Variants in DENND2B observed in about 807,000 individuals in gnomAD.
The protein encoded by DENND2B is DENN domain containing 2B.
In DENND2B, 32 loss-of-function variants were observed where a neutral mutation model predicts 116.0. That is an observed-to-expected ratio of 0.28 (90% CI 0.21 to 0.37). The LOEUF is 0.37. Ranked by LOEUF, DENND2B falls within the 10% of genes least tolerant of loss-of-function variation. The probability of loss-of-function intolerance (pLI) is 1.00; values close to 1 mark genes in which losing one functional copy is unlikely to be tolerated. For missense variants in DENND2B, 1,276 were observed against 1,477.7 expected, an observed-to-expected ratio of 0.86 and a Z score of 2.24; for synonymous variants, 588 against 583.9, an observed-to-expected ratio of 1.01 and a Z score of -0.10.
intron 3 of DENND2B, among the ~76,000 whole-genome samples, chr11:8,727,677 T>C (rs756602153): frequency 6.6e-6 from 1 of 152,228 alleles, no homozygotes; most frequent in African/African-American, 2.4e-5. Context: ...ATCCAATGGC[T>C]GAGCACAGTG....
Position 8,766,761 on chromosome 11 carries a change from G to T in DENND2B, c.-25-16036C>A, listed in dbSNP as rs189676378. Reference sequence around the variant, plus strand: ...AATAGTCAACTGTTGTGATGTCACAGGACTCAACTTTTGTCATTTTAGGTG... The same window carrying T: ...AATAGTCAACTGTTGTGATGTCACATGACTCAACTTTTGTCATTTTAGGTG... On this transcript the variant is annotated intron_variant, in intron 1 of 19. Transcript: ENST00000313726. 4,663 of 1,130,200 alleles carry T rather than the reference G, an allele frequency of 4.1e-3. 16 individuals are homozygous for T. The highest frequency in any genetic ancestry group is 5.3e-3 in the Non-Finnish European group (4,470 of 847,010). The allele number at this position is 1,130,200 out of a possible 1,614,324, so 70.0% of individuals were successfully genotyped here.
At chr11:8,809,309 C>T (rs2061172833) in intron 1 of DENND2B, 1 of 152,196 alleles carries the variant, frequency 6.6e-6, no homozygotes, top group Non-Finnish European at 1.5e-5. Flanking sequence ...AGAATGCCCC[C>T]TCATTGTTTG....
chr11:8,892,792 A>G (rs1209358987), intron 1 of DENND2B, among the ~76,000 whole-genome samples: 1 of 152,208 alleles, frequency 6.6e-6, no homozygotes, highest in African/African-American at 2.4e-5. Flanking sequence ...GACCAAATGG[A>G]TTCACAGTCG....
chr11:8,908,069 C>T (rs2064261877), intron 1 of DENND2B, among the ~76,000 whole-genome samples: 1 of 152,168 alleles, frequency 6.6e-6, no homozygotes, highest in Admixed American at 6.5e-5. Flanking sequence ...CAACAAATGG[C>T]TACTGAACAC....
intron 9 of DENND2B, 46 bp from the exon 10 acceptor site, chr11:8,711,277 G>T (rs772565071): frequency 1.3e-6 from 2 of 1,580,676 alleles, no homozygotes; most frequent in South Asian, 1.1e-5. Context: ...CCTGAGGGCG[G>T]GTGGTGGTGG....
At chr11:8,777,905 G>A (rs2057918404) in intron 1 of DENND2B, among the ~76,000 whole-genome samples, 1 of 152,196 alleles carries the variant, frequency 6.6e-6, no homozygotes, top group Non-Finnish European at 1.5e-5. Flanking sequence ...TGACTTAGCT[G>A]TTGCTTTTTA....
chr11:8,744,071 T>G lies in DENND2B; in HGVS notation c.80+6550A>C, dbSNP rs114958097. Among the ~76,000 whole-genome samples the G allele has an allele frequency of 9.7e-3, 1,476 of 152,036 alleles. 27 individuals are homozygous for G. The highest frequency in any genetic ancestry group is 0.034 in the African/African-American group (1,416 of 41,470). On this transcript the variant is annotated intron_variant, in intron 2 of 19. Transcript: ENST00000313726. ...GCCAAGGGGCTTATCTTGAAGTGAT[T>G]TGTATGTGTGCCTTTTGCTATTATA...
chr11:8,843,103 G>A (rs565433672), intron 3 of DENND2B, among the ~76,000 whole-genome samples: 1 of 151,882 alleles, frequency 6.6e-6, no homozygotes, highest in African/African-American at 2.4e-5. Context: ...TGCAACATCC[G>A]CCTCCCGGGT....
intron 11 of DENND2B, 52 bp downstream of exon 11, chr11:8,710,793 A>ACACC (rs1242806095): frequency 3.8e-6 from 5 of 1,322,994 alleles, no homozygotes; most frequent in African/African-American, 2.9e-5. Context: ...ACACACACAC[A>ACACC]CCCTGGCCTA....
intron 1 of DENND2B, among the ~76,000 whole-genome samples, chr11:8,772,111 A>C (rs2056997323): frequency 6.9e-6 from 1 of 144,302 alleles, no homozygotes; most frequent in Non-Finnish European, 1.5e-5. Flanking sequence ...GTGCACCCTG[A>C]GAGGGAATGG....
At chr11:8,888,823 A>C (rs1419299340) in intron 1 of DENND2B, among the ~76,000 whole-genome samples, 18 of 152,242 alleles carry the variant, frequency 1.2e-4, no homozygotes, top group Admixed American at 1.2e-3. Flanking sequence ...AAGATGCTCA[A>C]CATCACTAAT....
At chr11:8,722,988 C>G (rs983381872) in intron 4 of DENND2B, among the ~76,000 whole-genome samples, 7 of 152,186 alleles carry the variant, frequency 4.6e-5, no homozygotes, top group Non-Finnish European at 1.0e-4. Flanking sequence ...AAGAGGCAGC[C>G]AAGGTGCTCC....
intron 1 of DENND2B, chr11:8,910,052 C>A (rs2064296221): frequency 2.0e-5 from 3 of 151,940 alleles, no homozygotes; most frequent in Admixed American, 1.3e-4. Flanking sequence ...TTCACAGTTC[C>A]TTACTTAAAC....
intron 5 of DENND2B, 120 bp downstream of exon 5, chr11:8,717,621 C>G: frequency 7.8e-7 from 1 of 1,278,746 alleles, no homozygotes; most frequent in Non-Finnish European, 1.1e-6. Context: ...GCCGTAGACC[C>G]TTTATCAAGT....
intron 2 of DENND2B, among the ~76,000 whole-genome samples, chr11:8,862,421 G>A (rs2653614): frequency 0.94 from 140,590 of 149,718 alleles, 66,624 homozygotes; most frequent in East Asian, 1. Context: ...TCTCAACCTC[G>A]GGTGATCACC....
Position 8,714,670 on chromosome 11 carries a change from T to C in DENND2B, c.1882A>G (p.Arg628Gly). 1.2e-6 allele frequency: 2 copies of C among 1,614,222 alleles called. No homozygotes were observed. The highest frequency in any genetic ancestry group is 1.7e-6 in the Non-Finnish European group (2 of 1,180,034). Residue 628 changes from arginine (R) to glycine (G), a missense_variant, in exon 7 of 20, where the codon AGA (arginine) becomes GGA (glycine). By Grantham distance (125) the Arg-to-Gly change is moderately radical. This residue lies in a region of DENND2B where 856 missense variants were observed against 846.6 expected (regional missense o/e 1.01). Transcript: ENST00000313726. ...QRINSIYNAK[R>G]GKKRLKKLSM... The stretch of plus-strand genomic sequence containing the variant: ...AACTTTTTTAATCTCTTCTTTCCTC[T>C]CTTGGCATTGTAGATGGAGTTAATT...
chr11:8,842,023 T>C (rs77864863), intron 3 of DENND2B, among the ~76,000 whole-genome samples: 1,824 of 152,258 alleles, frequency 0.012, 22 homozygotes, highest in Middle Eastern at 0.017. Flanking sequence ...AAATCTGCAA[T>C]CAAATGAACC....
intron 3 of DENND2B, among the ~76,000 whole-genome samples, chr11:8,849,044 G>C (rs997499028): frequency 6.8e-6 from 1 of 147,322 alleles, no homozygotes; most frequent in Non-Finnish European, 1.5e-5. Flanking sequence ...TTCAATCGGG[G>C]TGGATGAAAA....
At chr11:8,861,348 C>T (rs549370454) in intron 2 of DENND2B, among the ~76,000 whole-genome samples, 1 of 152,100 alleles carries the variant, frequency 6.6e-6, no homozygotes, top group South Asian at 2.1e-4. Context: ...AAAAAACACT[C>T]CCATCAAAAA....
Sources: allele counts gnomAD v4.1 joint callset (sites outside exome capture counted in the v4.1 genomes callset), GRCh38; gene constraint gnomAD v4.1.1; regional missense constraint gnomAD v4.1.1; transcripts MANE v1.5; gene names NCBI Gene and HGNC (gene_info 2026-07-23, HGNC 2026-07-21).